Variants in AK9 observed in about 807,000 individuals in gnomAD.
AK9 encodes the protein adenylate kinase 9, also known as adenylate kinase domain containing 1.
Under a neutral mutation model 239.6 loss-of-function variants are expected in AK9, and 191 were observed. That is an observed-to-expected ratio of 0.80 (90% CI 0.71 to 0.90). AK9 has a LOEUF of 0.90. Ranked by LOEUF, AK9 falls within the 40% of genes least tolerant of loss-of-function variation. The pLI is 0.00. For missense variants in AK9, 1,995 were observed against 2,214.7 expected, an observed-to-expected ratio of 0.90 and a Z score of 1.99; for synonymous variants, 689 against 721.0, an observed-to-expected ratio of 0.96 and a Z score of 0.71.
intron 39 of AK9, chr6:109,494,380 AT>A: frequency 3.9e-6 from 1 of 254,372 alleles, no homozygotes; most frequent in East Asian, 7.6e-5. Flanking sequence ...TATGTTTGAC[AT>A]TTTTTATAAC....
At chr6:109,520,374 TC>T (rs1359904788) in intron 29 of AK9, among the ~76,000 whole-genome samples, 1 of 152,164 alleles carries the variant, frequency 6.6e-6, no homozygotes, top group Non-Finnish European at 1.5e-5. Flanking sequence ...GAATAGGGTA[TC>T]CTTTCTCTAT....
rs200247771 is a variant in AK9 at position 109,509,120 on chromosome 6, G to A, written c.4481+59C>T. 29 of 1,467,754 alleles carry A rather than the reference G, an allele frequency of 2.0e-5. No homozygotes were observed. The East Asian group carries it at 2.0e-4, about 10-fold the overall frequency. The allele number at this position is 1,467,754 out of a possible 1,614,324, so 90.9% of individuals were successfully genotyped here. A position where few individuals can be genotyped will look rare whatever the true frequency, so the allele number is the denominator to read the frequency against. On this transcript the variant is annotated intron_variant, in intron 33 of 40. Transcript: ENST00000424296. ...CATGTAAGTGTTTTAAATCACGAGC[G>A]AGCAGTTTCTTGAAAGATTTAACTC...
chr6:109,688,581 A>G (rs2128368954), intron 1 of AK9, among the ~76,000 whole-genome samples: 2 of 152,352 alleles, frequency 1.3e-5, no homozygotes, highest in South Asian at 2.1e-4. Flanking sequence ...ATGTACTTCA[A>G]GATGAGGAAC....
rs973110663 is a variant in AK9, at chr6:109,589,971, T to C, written c.1843-3899A>G. Among the ~76,000 whole-genome samples, 11 of 152,318 alleles carry C rather than the reference T, an allele frequency of 7.2e-5. No individual in the cohort carries two copies. The East Asian group carries it at 7.7e-4, about 11-fold the overall frequency. The stretch of plus-strand genomic sequence containing the variant: ...TTCGTTCCTGAATCTGGTTTGCTAG[T>C]ATTTTTTTGAGGACATCTGCATCTA... On this transcript the variant is annotated intron_variant, in intron 17 of 40. Coordinates refer to ENST00000424296, the MANE Select transcript of AK9 (RefSeq NM_001145128.3).
At chr6:109,611,928 C>T (rs1793631591) in intron 16 of AK9, 82 bp downstream of exon 16, 2 of 952,252 alleles carry the variant, frequency 2.1e-6, no homozygotes, top group African/African-American at 3.4e-5. Context: ...TCACACATTT[C>T]TTCTTCTAAA....
intron 21 of AK9, among the ~76,000 whole-genome samples, chr6:109,567,545 A>G (rs1019685109): frequency 1.3e-5 from 2 of 152,012 alleles, no homozygotes; most frequent in African/African-American, 4.8e-5. Flanking sequence ...ATTCCAATCA[A>G]TGGGAAAAGG....
At chr6:109,580,791 G>A (rs547503886) in intron 19 of AK9, among the ~76,000 whole-genome samples, 3 of 152,360 alleles carry the variant, frequency 2.0e-5, no homozygotes, top group African/African-American at 7.2e-5. Flanking sequence ...TGAGGCTACT[G>A]AGTGTTGTTT....
chr6:109,672,376 C>G (rs909102724), intron 3 of AK9, among the ~76,000 whole-genome samples: 3 of 152,184 alleles, frequency 2.0e-5, no homozygotes, highest in South Asian at 2.1e-4. Context: ...GTCTCTGCCA[C>G]TTACTAAGCT....
chr6:109,524,043 T>C (rs912971784), intron 29 of AK9, among the ~76,000 whole-genome samples: 3 of 152,092 alleles, frequency 2.0e-5, no homozygotes, highest in African/African-American at 7.2e-5. Flanking sequence ...AATTGTCAAA[T>C]ACCCAGCCCA....
At chr6:109,517,216 C>T (rs551667297) in intron 29 of AK9, among the ~76,000 whole-genome samples, 4 of 152,230 alleles carry the variant, frequency 2.6e-5, no homozygotes, top group East Asian at 1.9e-4. Context: ...CTTTGAAAAA[C>T]GTTCAGTGTG....
intron 35 of AK9, among the ~76,000 whole-genome samples, 181 bp from the exon 36 acceptor site, chr6:109,499,421 C>G (rs1777380091): frequency 6.6e-6 from 1 of 152,026 alleles, no homozygotes; most frequent in African/African-American, 2.4e-5. Flanking sequence ...AATACTTAAC[C>G]TGAGAGGTAA....
At chr6:109,662,290 A>G (rs1034254278) in intron 6 of AK9, among the ~76,000 whole-genome samples, 1 of 152,178 alleles carries the variant, frequency 6.6e-6, no homozygotes, top group Admixed American at 6.5e-5. Context: ...GTTGTCAGGG[A>G]AAGTTCTAAA....
Position 109,654,897 on chromosome 6 carries a change from C to G in AK9, c.759+1859G>C, listed in dbSNP as rs547326343. On this transcript the variant is annotated intron_variant, in intron 8 of 40. Transcript: ENST00000424296. The stretch of plus-strand genomic sequence containing the variant: ...CACACTGAACTTTAGTGGTCTTGGT[C>G]TAAAAGTGAAGTAACATCTCAGCCA... Among the ~76,000 whole-genome samples the G allele has an allele frequency of 2.0e-5, 3 of 152,258 alleles. No individual in the cohort carries two copies. In the South Asian group the frequency reaches 6.2e-4, roughly 32 times the overall value.
At chr6:109,655,854 G>A (rs1158039003) in intron 8 of AK9, among the ~76,000 whole-genome samples, 1 of 152,192 alleles carries the variant, frequency 6.6e-6, no homozygotes, top group African/African-American at 2.4e-5. Flanking sequence ...CAGAAGCTAC[G>A]TTTATAAGCC....
intron 17 of AK9, among the ~76,000 whole-genome samples, chr6:109,607,768 GGTGTGTGTGTGT>G (rs10648225): frequency 5.2e-4 from 75 of 145,486 alleles, no homozygotes; most frequent in African/African-American, 1.8e-3. Flanking sequence ...CCAGCAGAGG[GGTGTGTGTGTGT>G]GTGTGTGTGT....
In AK9 at chr6:109,497,863, T is replaced by A; in HGVS notation, c.5149A>T (p.Ser1717Cys). 6.2e-7 allele frequency: 1 copy of A among 1,613,986 alleles called. No individual in the cohort carries two copies. Among genetic ancestry groups the A allele is most frequent in the Non-Finnish European group, 8.5e-7 (1 of 1,179,908 alleles). The change falls in exon 37 of 41, where the codon AGT (serine) becomes TGT (cysteine). Residue 1717 changes from serine (S) to cysteine (C), a missense_variant. Around this residue, in one of 5 missense-constraint regions of AK9, gnomAD observed 391 missense variants for 456.0 expected, o/e 0.86. Transcript: ENST00000424296. The part of the protein sequence containing the change: ...PKRLTLSELK[S>C]RFPKCAELQG... ...AGCTCCGCACACTTAGGGAATCGACTCTTCAGCTCTGACAGTGTCAGTCTT... is the reference window on the plus strand; with the variant it reads ...AGCTCCGCACACTTAGGGAATCGACACTTCAGCTCTGACAGTGTCAGTCTT...
intron 24 of AK9, among the ~76,000 whole-genome samples, chr6:109,552,771 C>A (rs1225751814): frequency 1.3e-5 from 2 of 152,190 alleles, no homozygotes; most frequent in African/African-American, 4.8e-5. Flanking sequence ...GTCATGAAGT[C>A]TTTGCCCATG....
At chr6:109,563,929 G>A (rs764439958) in intron 23 of AK9, 151 bp downstream of exon 23, 2 of 1,012,450 alleles carry the variant, frequency 2.0e-6, no homozygotes, top group Non-Finnish European at 2.8e-6. Context: ...GTCAGGACCT[G>A]CACAGTGATA....
At chr6:109,555,256 A>T (rs1562400751) in intron 24 of AK9, among the ~76,000 whole-genome samples, 1 of 152,014 alleles carries the variant, frequency 6.6e-6, no homozygotes, top group East Asian at 1.9e-4. Flanking sequence ...TTTCTGCCTT[A>T]TTTCATTATT....
Sources: allele counts gnomAD v4.1 joint callset (sites outside exome capture counted in the v4.1 genomes callset), GRCh38; gene constraint gnomAD v4.1.1; regional missense constraint gnomAD v4.1.1; transcripts MANE v1.5; gene names NCBI Gene and HGNC (gene_info 2026-07-23, HGNC 2026-07-21).